Variants in COPG2 observed in about 807,000 individuals in gnomAD.
The protein encoded by COPG2 is coatomer subunit gamma-2.
COPG2 carries 37 observed loss-of-function variants against 46.3 expected under a neutral mutation model. The observed-to-expected ratio is 0.80, with a 90% confidence interval of 0.61 to 1.05. The LOEUF (loss-of-function observed/expected upper bound fraction) is 1.05. Ranked by LOEUF, COPG2 falls within the 50% of genes least tolerant of loss-of-function variation. COPG2 has a pLI of 0.00. For synonymous variants in COPG2, 159 were observed against 129.7 expected (o/e 1.23, Z -1.53); for missense variants, 427 against 387.8 (o/e 1.10, Z -0.85).
chr7:130,612,918 G>A (rs1554452328), intron 7 of COPG2, among the ~76,000 whole-genome samples: 1 of 152,108 alleles, frequency 6.6e-6, no homozygotes, highest in East Asian at 1.9e-4. Context: ...TTAAATGAAA[G>A]AAAAGGGTCC....
At chr7:130,665,407 T>C (rs1185582320) in intron 3 of COPG2, among the ~76,000 whole-genome samples, 2 of 152,174 alleles carry the variant, frequency 1.3e-5, no homozygotes, top group Admixed American at 6.5e-5. Context: ...TATAGACATA[T>C]ATAGTCAGCC....
chr7:130,646,880 C>T (rs543203893), intron 5 of COPG2, among the ~76,000 whole-genome samples: 34 of 150,530 alleles, frequency 2.3e-4, no homozygotes, highest in African/African-American at 8.0e-4. Flanking sequence ...TCAATTACAC[C>T]CCTTTCCTTT....
chr7:130,506,695 A>G lies in COPG2; in HGVS notation c.2597T>C (p.Ile866Thr). ...AAGCATTTATCCAACAGAAGCTAAG[A>G]TAACATCTACAGGTGTTCTCTCTTT... The part of the protein sequence containing the change: ...RSKERTPVDV[I>T]LASVG Residue 866 changes from isoleucine (I) to threonine (T), a missense_variant, in exon 24 of 24, where the codon ATC becomes ACC. By Grantham distance (89) the Ile-to-Thr change is moderately conservative. Transcript: ENST00000425248. 1.3e-6 allele frequency: 1 copy of G among 780,074 alleles called. No homozygotes were observed. The highest frequency in any genetic ancestry group is 1.7e-5 in the African/African-American group (1 of 59,220). 48.3% of individuals were successfully genotyped at this position (780,074 alleles called of 1,614,324 possible).
At chr7:130,577,979 A>G (rs1794044724) in intron 9 of COPG2, among the ~76,000 whole-genome samples, 1 of 152,238 alleles carries the variant, frequency 6.6e-6, no homozygotes. Flanking sequence ...GGAAGCTCCA[A>G]CTGGGTGGAG....
chr7:130,546,718 G>A (rs1793450706), intron 20 of COPG2: 1 of 152,200 alleles, frequency 6.6e-6, no homozygotes, highest in African/African-American at 2.4e-5. Flanking sequence ...TAAGAAGGGA[G>A]TTTGGAGAGG....
Position 130,617,009 on chromosome 7 carries a change from G to A in COPG2, c.380C>T (p.Ala127Val). 1 of 1,610,828 alleles carries A rather than the reference G, an allele frequency of 6.2e-7. No homozygotes were observed. The highest frequency in any genetic ancestry group is 8.5e-7 in the Non-Finnish European group (1 of 1,177,604). Residue 127 changes from alanine to valine, a missense_variant, in exon 6 of 24, where the codon GCT (alanine) becomes GTT (valine). Transcript: ENST00000425248. ...ACTTACATCGGTGATCCTGCAGAGA[G>A]CTCTGATGGCCGGGCCTCGGTATAC... ...EDVYRGPAIRALCRITDGTML... is the reference protein window; with the variant it reads ...EDVYRGPAIRVLCRITDGTML...
In COPG2 at chr7:130,507,792, T is replaced by C; in HGVS notation, c.2279A>G (p.His760Arg). The change falls in exon 22 of 24, where the codon CAT (histidine) becomes CGT (arginine). Residue 760 changes from histidine to arginine, a missense_variant. Physicochemically the swap from His to Arg is conservative, Grantham distance 29. Coordinates refer to ENST00000425248, the MANE Select transcript of COPG2 (RefSeq NM_012133.6). ...LEDLEVTVSDHIQKVLKPNFA... is the reference protein window; with the variant it reads ...LEDLEVTVSDRIQKVLKPNFA... ...GTTAGGCTTCAGTACTTTCTGAATA[T>C]GGTCAGACACAGTCACTTCGAGATC... 1 of 780,630 alleles carries C rather than the reference T, an allele frequency of 1.3e-6. No individual in the cohort carries two copies. The allele number at this position is 780,630 out of a possible 1,614,324, so 48.4% of individuals were successfully genotyped here.
chr7:130,513,341 A>G (rs192029640), intron 20 of COPG2, among the ~76,000 whole-genome samples: 2,501 of 51,306 alleles, frequency 0.049, 135 homozygotes, highest in African/African-American at 0.092. Flanking sequence ...ATATATATAT[A>G]TGTGTGTGTG....
chr7:130,508,455 A>G (rs1449387741), intron 21 of COPG2, 107 bp downstream of exon 21: 1 of 638,008 alleles, frequency 1.6e-6, no homozygotes, highest in Non-Finnish European at 2.9e-6. Context: ...AAGAATAGAA[A>G]TCCCTTAAGT....
Position 130,506,574 on chromosome 7 carries a change from GTCAT to G in COPG2, c.*98_*101del, listed in dbSNP as rs1799492184. 3 of 516,934 alleles carry G rather than the reference GTCAT, an allele frequency of 5.8e-6. No individual in the cohort carries two copies. Among genetic ancestry groups the G allele is most frequent in the Non-Finnish European group, 1.0e-5 (3 of 287,364 alleles). The allele number at this position is 516,934 out of a possible 1,614,324, so 32.0% of individuals were successfully genotyped here. A position where few individuals can be genotyped will look rare whatever the true frequency, so the allele number is the denominator to read the frequency against. On this transcript the variant is annotated 3_prime_UTR_variant, in exon 24 of 24. Coordinates refer to ENST00000425248, the MANE Select transcript of COPG2 (RefSeq NM_012133.6). ...CAAATGTTTAATTTGCTTCTCCAAA[GTCAT>G]TCATCTTCAAAAGTCTGATTCTGGG...
At chr7:130,538,689 A>G (rs946227569) in intron 20 of COPG2, among the ~76,000 whole-genome samples, 165 of 7,932 alleles carry the variant, frequency 0.021, no homozygotes, top group African/African-American at 0.054. Context: ...GGGGCCTGGG[A>G]GGGGATGGAC....
intron 5 of COPG2, among the ~76,000 whole-genome samples, chr7:130,642,185 T>C (rs1795504601): frequency 1.3e-5 from 2 of 151,870 alleles, no homozygotes; most frequent in Admixed American, 1.3e-4. Flanking sequence ...TTGTAATGAG[T>C]AGAACAGTAA....
rs1433606396 is a variant in COPG2 at position 130,513,347 on chromosome 7, GTGTGTGTGTGTGTATATATATATATATA to G, written c.2150-4716_2150-4689del. 3.2e-3 allele frequency among the ~76,000 whole-genome samples: 202 copies of G among 62,966 alleles called. 2 individuals are homozygous for G. Among genetic ancestry groups the G allele is most frequent in the African/African-American group, 5.0e-3 (101 of 20,138 alleles). The allele number at this position is 62,966 out of a possible 152,430, so 41.3% of individuals were successfully genotyped here. On this transcript the variant is annotated intron_variant, in intron 20 of 23. Coordinates refer to ENST00000425248, the MANE Select transcript of COPG2 (RefSeq NM_012133.6). ...TATATATATATATATATATATGTGT[GTGTGTGTGTGTGTATATATATATATATA>G]TGTGTGTGTGTGTGTATATATATAT...
At chr7:130,569,344 T>C (rs1456391109) in intron 9 of COPG2, among the ~76,000 whole-genome samples, 1 of 151,964 alleles carries the variant, frequency 6.6e-6, no homozygotes, top group Non-Finnish European at 1.5e-5. Flanking sequence ...AAGATCCAAG[T>C]AAGCTCAATT....
chr7:130,539,527 C>T (rs975670986), intron 20 of COPG2, among the ~76,000 whole-genome samples: 1 of 152,080 alleles, frequency 6.6e-6, no homozygotes, highest in Non-Finnish European at 1.5e-5. Flanking sequence ...TGAGCACATC[C>T]CTATGGAGAA....
chr7:130,608,980 G>A (rs750990491), intron 9 of COPG2, among the ~76,000 whole-genome samples: 8 of 151,894 alleles, frequency 5.3e-5, no homozygotes, highest in African/African-American at 1.7e-4. Context: ...ATGCTCAACC[G>A]ATCCTCCCAC....
At chr7:130,543,655 T>C (rs1793380117) in intron 20 of COPG2, among the ~76,000 whole-genome samples, 1 of 152,140 alleles carries the variant, frequency 6.6e-6, no homozygotes, top group African/African-American at 2.4e-5. Context: ...CATATTCACA[T>C]TGTGAATCAA....
At chr7:130,605,517 C>T (rs1291924903) in intron 9 of COPG2, among the ~76,000 whole-genome samples, 2 of 152,168 alleles carry the variant, frequency 1.3e-5, no homozygotes, top group African/African-American at 4.8e-5. Context: ...CAAAGTGCAG[C>T]TCAACACACT....
At chr7:130,590,199 CCTCTCCCTCTCCCCACGGTCTCT>C (rs1435257160) in intron 9 of COPG2, among the ~76,000 whole-genome samples, 4 of 149,248 alleles carry the variant, frequency 2.7e-5, no homozygotes, top group East Asian at 3.9e-4. Flanking sequence ...TCTCCCTCTC[CCTCTCCCTCTCCCCACGGTCTCT>C]CTCTCCCTCT....
Sources: gnomAD v4.1 joint callset for allele counts (sites outside exome capture counted in the v4.1 genomes callset) on GRCh38, gnomAD v4.1.1 for gene constraint, MANE v1.5 for transcripts, NCBI Gene and HGNC (gene_info 2026-07-23, HGNC 2026-07-21) for gene names.